Variants in TAMM41 observed in about 807,000 individuals in gnomAD.
TAMM41 encodes TAM41 mitochondrial translocator assembly and maintenance homolog.
Under a neutral mutation model 44.1 loss-of-function variants are expected in TAMM41, and 36 were observed. The observed-to-expected ratio is 0.82, with a 90% CI of 0.63 to 1.08. TAMM41 has a LOEUF of 1.08. Ranked by LOEUF, TAMM41 falls within the 50% of genes least tolerant of loss-of-function variation. The pLI, the probability that TAMM41 is intolerant of heterozygous loss-of-function variation, is 0.00. For missense variants in TAMM41, 417 were observed against 404.3 expected, an observed-to-expected ratio of 1.03 and a Z score of -0.27; for synonymous variants, 164 against 153.1, an observed-to-expected ratio of 1.07 and a Z score of -0.53.
At chr3:11,818,847 G>A (rs1028258566) in intron 4 of TAMM41, among the ~76,000 whole-genome samples, 21 of 148,728 alleles carry the variant, frequency 1.4e-4, no homozygotes, top group Non-Finnish European at 2.5e-4. Context: ...GCAGTGAGCC[G>A]AGATCGCGCC....
At chr3:11,752,625 C>CTGTTTTTTTTT in the TAMM41 span, among the ~76,000 whole-genome samples, 1 of 39,938 alleles carries the variant, frequency 2.5e-5, no homozygotes, top group Non-Finnish European at 5.0e-5. Flanking sequence ...TCTTACAAAG[C>CTGTTTTTTTTT]TTTTTTTTTT....
intron 3 of TAMM41, among the ~76,000 whole-genome samples, chr3:11,831,204 G>A (rs1448222806): frequency 6.6e-6 from 1 of 152,174 alleles, no homozygotes; most frequent in Non-Finnish European, 1.5e-5. Flanking sequence ...TGGAGAACTC[G>A]TTAAAATGTG....
the TAMM41 span, among the ~76,000 whole-genome samples, chr3:11,782,356 G>C: frequency 2.6e-5 from 4 of 152,042 alleles, no homozygotes; most frequent in African/African-American, 9.7e-5. Context: ...GACCAGCCTA[G>C]GCAACATGGT....
chr3:11,823,447 G>A (rs1202498759), intron 4 of TAMM41, among the ~76,000 whole-genome samples: 1 of 151,702 alleles, frequency 6.6e-6, no homozygotes, highest in East Asian at 1.9e-4. Flanking sequence ...AGTAGAGACA[G>A]GGTTTCACCA....
At chr3:11,755,249 C>T in the TAMM41 span, among the ~76,000 whole-genome samples, 1 of 150,882 alleles carries the variant, frequency 6.6e-6, no homozygotes, top group African/African-American at 2.5e-5. Context: ...TCCAAGGCCA[C>T]TATCTGGGCT....
the TAMM41 span, among the ~76,000 whole-genome samples, chr3:11,736,899 C>T: frequency 1.3e-5 from 2 of 152,150 alleles, no homozygotes; most frequent in South Asian, 2.1e-4. Flanking sequence ...GACACAGGCT[C>T]AGCCAACTGG....
chr3:11,813,767 A>T (rs2078165901), intron 5 of TAMM41, among the ~76,000 whole-genome samples: 1 of 151,716 alleles, frequency 6.6e-6, no homozygotes, highest in Middle Eastern at 3.4e-3. Flanking sequence ...AGGGCCAACA[A>T]AGTGGGACCC....
the TAMM41 span, among the ~76,000 whole-genome samples, chr3:11,725,337 TTCTCC>T: frequency 1.4e-5 from 1 of 73,252 alleles, no homozygotes; most frequent in African/African-American, 5.9e-5. Context: ...CCTTTTTTTC[TTCTCC>T]TCCTCCTCCT....
At position 11,833,244 on chromosome 3, in the gene TAMM41, G is replaced by T. The variant is rs976085685; in HGVS notation, c.412-3380C>A. The T allele has an allele frequency of 8.0e-6, 8 of 995,736 alleles. No homozygotes were observed. In the African/African-American group the frequency reaches 1.4e-4, roughly 17 times the overall value. 61.7% of individuals were successfully genotyped at this position (995,736 alleles called of 1,614,324 possible). Reference sequence around the variant, plus strand: ...TGAACTGCATAGATAACATTAGCACGACTGCCAGGGAGGAAAATCTTTACT... The same window carrying T: ...TGAACTGCATAGATAACATTAGCACTACTGCCAGGGAGGAAAATCTTTACT... On this transcript the variant is annotated intron_variant, in intron 3 of 7. Transcript: ENST00000455809.
the TAMM41 span, among the ~76,000 whole-genome samples, chr3:11,777,291 G>GA: frequency 3.3e-5 from 5 of 151,700 alleles, no homozygotes; most frequent in African/African-American, 9.7e-5. Context: ...GCCGGAAGAG[G>GA]AAAAAAAGGT....
At chr3:11,833,407 G>A (rs1481992868) in intron 3 of TAMM41, among the ~76,000 whole-genome samples, 1 of 152,138 alleles carries the variant, frequency 6.6e-6, no homozygotes, top group African/African-American at 2.4e-5. Context: ...ATTGCAGAGT[G>A]AAATTTTAAT....
intron 4 of TAMM41, among the ~76,000 whole-genome samples, chr3:11,824,730 A>G (rs577320678): frequency 1.3e-5 from 2 of 152,326 alleles, no homozygotes; most frequent in Admixed American, 6.5e-5. Context: ...GTCACATACT[A>G]TTGGAAGCAT....
intron 2 of TAMM41, chr3:11,843,820 C>G: frequency 3.6e-6 from 2 of 562,526 alleles, no homozygotes; most frequent in Non-Finnish European, 6.2e-6. Flanking sequence ...CCTGCTCTGT[C>G]CCCAAGTTCA....
the TAMM41 span, among the ~76,000 whole-genome samples, chr3:11,763,296 G>A: frequency 1.3e-5 from 2 of 152,074 alleles, no homozygotes; most frequent in African/African-American, 4.8e-5. Flanking sequence ...GTGCCACCAT[G>A]CCCAGTTGAT....
At chr3:11,795,328 AAT>A (rs534501844) in intron 7 of TAMM41, among the ~76,000 whole-genome samples, 73 of 152,320 alleles carry the variant, frequency 4.8e-4, no homozygotes, top group South Asian at 1.4e-3. Flanking sequence ...TCAGGGAATG[AAT>A]GGCTCTACTG....
intron 7 of TAMM41, among the ~76,000 whole-genome samples, chr3:11,806,488 T>G (rs1309410884): frequency 6.6e-6 from 1 of 152,150 alleles, no homozygotes; most frequent in African/African-American, 2.4e-5. Context: ...CTGGAAATTA[T>G]AAACACTCAA....
chr3:11,757,853 G>A, the TAMM41 span, among the ~76,000 whole-genome samples: 1 of 152,166 alleles, frequency 6.6e-6, no homozygotes, highest in Non-Finnish European at 1.5e-5. Flanking sequence ...CCTGCTCCCT[G>A]AGCAGCTGCT....
the TAMM41 span, among the ~76,000 whole-genome samples, chr3:11,723,807 A>G: frequency 6.6e-6 from 1 of 152,176 alleles, no homozygotes; most frequent in Non-Finnish European, 1.5e-5. Context: ...GGTAGGCTGT[A>G]CATAGACCAC....
chr3:11,825,843 G>A (rs1229591372), intron 4 of TAMM41, among the ~76,000 whole-genome samples: 1 of 151,898 alleles, frequency 6.6e-6, no homozygotes, highest in East Asian at 1.9e-4. Context: ...CCAGGCTGGA[G>A]TGCAGTGGTG....
Sources: gnomAD v4.1 joint callset for allele counts (sites outside exome capture counted in the v4.1 genomes callset) on GRCh38, gnomAD v4.1.1 for gene constraint, MANE v1.5 for transcripts, NCBI Gene and HGNC (gene_info 2026-07-23, HGNC 2026-07-21) for gene names.